Variants in GRIK4 observed in about 807,000 individuals in gnomAD.
GRIK4 encodes the protein glutamate ionotropic receptor kainate type subunit 4.
In GRIK4, 40 loss-of-function variants were observed where a neutral mutation model predicts 104.9. That is an observed-to-expected ratio of 0.38 (90% CI 0.30 to 0.50). The LOEUF is 0.50. GRIK4 is among the 20% of genes least tolerant of loss of function. GRIK4 has a pLI of 0.93. For synonymous variants in GRIK4, 485 were observed against 524.9 expected (o/e 0.92, Z 1.04); for missense variants, 1,047 against 1,308.1 (o/e 0.80, Z 3.08).
At chr11:120,918,762 C>T (rs1041772489) in intron 13 of GRIK4, among the ~76,000 whole-genome samples, 1 of 152,064 alleles carries the variant, frequency 6.6e-6, no homozygotes, top group Non-Finnish European at 1.5e-5. Context: ...GGGAATCCTA[C>T]GCAAAATGGT....
At chr11:120,527,418 G>T (rs1947869178) in intron 1 of GRIK4, among the ~76,000 whole-genome samples, 1 of 152,190 alleles carries the variant, frequency 6.6e-6, no homozygotes, top group African/African-American at 2.4e-5. Flanking sequence ...ACCCCTCAGG[G>T]CAGACCCCTG....
intron 2 of GRIK4, among the ~76,000 whole-genome samples, chr11:120,658,912 C>T (rs1591776957): frequency 6.6e-6 from 1 of 152,032 alleles, no homozygotes; most frequent in South Asian, 2.1e-4. Flanking sequence ...CCACACCTGG[C>T]TAATTTTTTG....
chr11:120,682,612 T>G (rs1950214211), intron 3 of GRIK4, among the ~76,000 whole-genome samples: 1 of 150,114 alleles, frequency 6.7e-6, no homozygotes, highest in Non-Finnish European at 1.5e-5. Context: ...TTTTTTCCCA[T>G]CTGGCCAACT....
chr11:120,591,858 C>T lies in GRIK4; in HGVS notation c.-158-61827C>T, dbSNP rs115297533. On this transcript the variant is annotated intron_variant, in intron 1 of 20. Coordinates refer to ENST00000527524, the MANE Select transcript of GRIK4 (RefSeq NM_014619.5). ...CCTCCTCCTCTTCTTGCATCCCTCC[C>T]TCCTCTTCTGTATTTGCATCGGCAC... 7.6e-3 allele frequency among the ~76,000 whole-genome samples: 1,154 copies of T among 152,330 alleles called. 4 individuals are homozygous for T. The highest frequency in any genetic ancestry group is 0.026 in the African/African-American group (1,097 of 41,570).
intron 3 of GRIK4, among the ~76,000 whole-genome samples, chr11:120,784,046 C>T (rs1055099064): frequency 1.3e-5 from 2 of 152,324 alleles, no homozygotes; most frequent in South Asian, 2.1e-4. Flanking sequence ...TGGCCTCCAC[C>T]AGGAGGTACT....
At chr11:120,579,217 A>G (rs1410611689) in intron 1 of GRIK4, among the ~76,000 whole-genome samples, 1 of 140,492 alleles carries the variant, frequency 7.1e-6, no homozygotes, top group East Asian at 2.5e-4. Context: ...ACAGCACACG[A>G]CAAAATAACC....
rs1218847071 is a variant in GRIK4, at chr11:120,905,059, C to T, written c.1273-231C>T. ...AGCAGCTTGAGCCTGACCCTCCATG[C>T]AGTGGGAACCACTGTGTGTTCCTGA... On this transcript the variant is annotated intron_variant, in intron 12 of 20. Coordinates refer to ENST00000527524, the MANE Select transcript of GRIK4 (RefSeq NM_014619.5). This position sits in a 1 kb window ranked among gnomAD's most constrained non-coding sequence, Gnocchi z 5.1. Among the ~76,000 whole-genome samples the T allele has an allele frequency of 6.6e-6, 1 of 152,200 alleles. No individual in the cohort carries two copies. Among genetic ancestry groups the T allele is most frequent in the Non-Finnish European group, 1.5e-5 (1 of 68,038 alleles).
intron 1 of GRIK4, among the ~76,000 whole-genome samples, chr11:120,594,199 TG>T (rs35009252): frequency 6.6e-6 from 1 of 152,240 alleles, no homozygotes; most frequent in African/African-American, 2.4e-5. Flanking sequence ...AAAATCCTGC[TG>T]GGCGCAGTGG....
chr11:120,971,083 A>T (rs1944467242), intron 19 of GRIK4, among the ~76,000 whole-genome samples: 1 of 152,210 alleles, frequency 6.6e-6, no homozygotes, highest in South Asian at 2.1e-4. Context: ...ATGGCAACGA[A>T]TTTTATTCCA....
chr11:120,806,814 G>A (rs1952721086), intron 4 of GRIK4, among the ~76,000 whole-genome samples: 1 of 152,200 alleles, frequency 6.6e-6, no homozygotes, highest in Non-Finnish European at 1.5e-5. Flanking sequence ...CCAGAGGTCA[G>A]CCCCCTCGTC....
intron 11 of GRIK4, among the ~76,000 whole-genome samples, chr11:120,897,353 G>A (rs144299036): frequency 7.3e-5 from 11 of 151,096 alleles, no homozygotes; most frequent in Admixed American, 2.6e-4. Flanking sequence ...AGTACATCTC[G>A]GCCGGGCGCG....
chr11:120,540,620 TATATAA>T (rs1318369655), intron 1 of GRIK4, among the ~76,000 whole-genome samples: 3 of 151,542 alleles, frequency 2.0e-5, no homozygotes, highest in African/African-American at 7.3e-5. Flanking sequence ...TCTCAAAAAA[TATATAA>T]ATAAATAAAA....
intron 3 of GRIK4, among the ~76,000 whole-genome samples, chr11:120,799,631 C>T (rs73578585): frequency 0.025 from 3,825 of 152,232 alleles, 161 homozygotes; most frequent in African/African-American, 0.085. Flanking sequence ...TCCAATTCCT[C>T]GTGTCCAAGT....
At position 120,917,269 on chromosome 11, in the gene GRIK4, A is replaced by AAAAG. The variant is rs1194010522; in HGVS notation, c.1476+11800_1476+11803dup. 3.5e-3 allele frequency among the ~76,000 whole-genome samples: 479 copies of AAAAG among 138,262 alleles called. 3 individuals are homozygous for AAAAG. Among genetic ancestry groups the AAAAG allele is most frequent in the African/African-American group, 9.3e-3 (303 of 32,646 alleles). The allele number at this position is 138,262 out of a possible 152,430, so 90.7% of individuals were successfully genotyped here. A position where few individuals can be genotyped will look rare whatever the true frequency, so the allele number is the denominator to read the frequency against. On this transcript the variant is annotated intron_variant, in intron 13 of 20. Transcript: ENST00000527524. ...TCTCAAAAAAAAAAAAAAAAAAAAA[A>AAAAG]AAAGAAAGAAAGAAAGAAAGAAAGA...
At chr11:120,796,024 T>C (rs1239075908) in intron 3 of GRIK4, among the ~76,000 whole-genome samples, 8 of 137,982 alleles carry the variant, frequency 5.8e-5, no homozygotes, top group Non-Finnish European at 1.2e-4. Flanking sequence ...TTTTTGGTTT[T>C]TTTTTCCTGA....
chr11:120,524,889 G>C lies in GRIK4; in HGVS notation c.-159+13002G>C, dbSNP rs537660071. Among the ~76,000 whole-genome samples, 1 of 152,308 alleles carries C rather than the reference G, an allele frequency of 6.6e-6. No homozygotes were observed. Among genetic ancestry groups the C allele is most frequent in the East Asian group, 1.9e-4 (1 of 5,186 alleles). On this transcript the variant is annotated intron_variant, in intron 1 of 20. Transcript: ENST00000527524. This position sits in a 1 kb window ranked among gnomAD's most constrained non-coding sequence, Gnocchi z 4.5. ...CCAGGAAGAGGTCGCCTTTGTGTGG[G>C]GATGACAGAGGTCCCTGCGGTCTGC... is the stretch of plus-strand genomic sequence containing the variant.
At chr11:120,565,310 A>G (rs185274975) in intron 1 of GRIK4, among the ~76,000 whole-genome samples, 1 of 152,230 alleles carries the variant, frequency 6.6e-6, no homozygotes, top group African/African-American at 2.4e-5. Context: ...AAGTGGCTGC[A>G]AAGATACTGA....
At chr11:120,593,970 C>G (rs185538649) in intron 1 of GRIK4, among the ~76,000 whole-genome samples, 1 of 152,196 alleles carries the variant, frequency 6.6e-6, no homozygotes, top group African/African-American at 2.4e-5. Flanking sequence ...TTCTCTCTCT[C>G]CACTTGCCCT....
intron 14 of GRIK4, among the ~76,000 whole-genome samples, chr11:120,944,782 T>G (rs1943816613): frequency 1.3e-5 from 2 of 152,192 alleles, no homozygotes; most frequent in Non-Finnish European, 2.9e-5. Context: ...ACTGTCTGGG[T>G]TTATTCCCAG....
Sources: gnomAD v4.1 joint callset for allele counts (sites outside exome capture counted in the v4.1 genomes callset) on GRCh38, gnomAD v4.1.1 for gene constraint, Gnocchi (gnomAD v3.1) non-coding constraint, MANE v1.5 for transcripts, NCBI Gene and HGNC (gene_info 2026-07-23, HGNC 2026-07-21) for gene names.